The following PHF3 variants were observed in gnomAD, a reference collection of about 807,000 sequenced individuals.
The protein encoded by PHF3 is PHD finger protein 3.
Under a neutral mutation model 178.4 loss-of-function variants are expected in PHF3, and 41 were observed. That is an observed-to-expected ratio of 0.23 (90% confidence interval 0.18 to 0.30). PHF3 has a LOEUF of 0.30. Ranked by LOEUF, PHF3 falls within the 10% of genes least tolerant of loss-of-function variation. The pLI is 1.00. For synonymous variants in PHF3, 842 were observed against 800.5 expected (o/e 1.05, Z -0.88); for missense variants, 2,346 against 2,398.1 (o/e 0.98, Z 0.45).
In PHF3 at chr6:63,691,881, A is replaced by G; in HGVS notation, c.2334A>G (p.Glu778=). 1.2e-6 allele frequency: 2 copies of G among 1,613,774 alleles called. No individual in the cohort carries two copies. Among genetic ancestry groups the G allele is most frequent in the African/African-American group, 2.7e-5 (2 of 74,954 alleles). ...GTGCTGAAGAAGACAAAAAGACTGA[A>G]ATACTAGATCCAGATACTTTGGAAA... is the stretch of plus-strand genomic sequence containing the variant. The part of the protein sequence containing the change: ...KCCAEEDKKT[E]ILDPDTLENQ... Residue 778 remains glutamate, a synonymous_variant, in exon 5 of 16, where the codon GAA becomes GAG. Coordinates refer to ENST00000262043, the MANE Select transcript of PHF3 (RefSeq NM_001370348.2).
At chr6:63,668,001 G>A (rs144586360) in intron 2 of PHF3, among the ~76,000 whole-genome samples, 3 of 152,196 alleles carry the variant, frequency 2.0e-5, no homozygotes, top group African/African-American at 4.8e-5. Flanking sequence ...TCTGCACAGC[G>A]ATGCAGCCTT....
intron 2 of PHF3, among the ~76,000 whole-genome samples, chr6:63,665,391 C>T (rs1247936220): frequency 6.6e-6 from 1 of 150,650 alleles, no homozygotes; most frequent in Non-Finnish European, 1.5e-5. Context: ...AAGTCCTTTG[C>T]TATGAATTAA....
intron 2 of PHF3, among the ~76,000 whole-genome samples, chr6:63,673,229 C>T (rs1392666026): frequency 6.6e-6 from 1 of 151,998 alleles, no homozygotes; most frequent in African/African-American, 2.4e-5. Context: ...GAGGTGCAGA[C>T]CCAATAAGTA....
chr6:63,677,292 A>G (rs1766210098), intron 2 of PHF3, among the ~76,000 whole-genome samples: 1 of 151,856 alleles, frequency 6.6e-6, no homozygotes, highest in African/African-American at 2.4e-5. Context: ...GAGTGTAGAT[A>G]AAGAAGAAAG....
chr6:63,690,721 A>G (rs1263519505), intron 4 of PHF3, among the ~76,000 whole-genome samples: 1 of 152,156 alleles, frequency 6.6e-6, no homozygotes, highest in East Asian at 1.9e-4. Flanking sequence ...CTGAAGATGA[A>G]AAAAGGACAA....
At chr6:63,637,711 T>C (rs539768690) in intron 1 of PHF3, among the ~76,000 whole-genome samples, 1 of 152,324 alleles carries the variant, frequency 6.6e-6, no homozygotes, top group South Asian at 2.1e-4. Flanking sequence ...TAGCAGAGTT[T>C]AGTGGCAGAC....
rs115823574 is a variant in PHF3 at position 63,665,930 on chromosome 6, T to G, written c.245-14070T>G. 5.8e-4 allele frequency among the ~76,000 whole-genome samples: 89 copies of G among 152,318 alleles called. 1 individual carries two copies. The highest frequency in any genetic ancestry group is 2.0e-3 in the African/African-American group (85 of 41,560). ...GTCAACTCCTCTCTACTTTATGGAA[T>G]TTTTACTCTTTCAGTATCCTTCCTT... On this transcript the variant is annotated intron_variant, in intron 2 of 15. Coordinates refer to ENST00000262043, the MANE Select transcript of PHF3 (RefSeq NM_001370348.2).
chr6:63,721,154 A>T lies in PHF3; in HGVS notation c.*7446A>T. ...TGTATTTAATGTAAGAATTACCCAT[A>T]AATTTTGCAGTTGAAAATGAAGTTT... On this transcript the variant is annotated 3_prime_UTR_variant, in exon 16 of 16. Coordinates refer to ENST00000262043, the MANE Select transcript of PHF3 (RefSeq NM_001370348.2). 1 of 1,551,638 alleles carries T rather than the reference A, an allele frequency of 6.4e-7. No individual in the cohort carries two copies. The highest frequency in any genetic ancestry group is 8.7e-7 in the Non-Finnish European group (1 of 1,146,882).
In PHF3 at chr6:63,635,947, G is replaced by A. The variant is rs1038609557; in HGVS notation, c.-229G>A. On this transcript the variant is annotated 5_prime_UTR_variant, in exon 1 of 16. Transcript: ENST00000262043. ...GCGGCGGCTGCAACGAGGATTAGGA[G>A]GGCGGCGCGGAAGCCAAGAATAGTG... The A allele has an allele frequency of 2.0e-5, 8 of 397,814 alleles. No homozygotes were observed. Among genetic ancestry groups the A allele is most frequent in the Non-Finnish European group, 3.1e-5 (7 of 225,674 alleles). 24.6% of individuals were successfully genotyped at this position (397,814 alleles called of 1,614,324 possible).
In PHF3 at chr6:63,714,854, C is replaced by T. The variant is rs1768131374; in HGVS notation, c.*1146C>T. The T allele has an allele frequency of 6.6e-6, 1 of 151,744 alleles. No individual in the cohort carries two copies. The highest frequency in any genetic ancestry group is 1.5e-5 in the Non-Finnish European group (1 of 67,932). 9.4% of individuals were successfully genotyped at this position (151,744 alleles called of 1,614,324 possible). On this transcript the variant is annotated 3_prime_UTR_variant, in exon 16 of 16. Transcript: ENST00000262043. ...TAGCCTAATTCGTAAAGTAACTGTA[C>T]AGTTTCATATGCCAGTTTTACTTGA...
At chr6:63,639,436 GT>G (rs573560007) in intron 1 of PHF3, among the ~76,000 whole-genome samples, 1 of 150,866 alleles carries the variant, frequency 6.6e-6, no homozygotes, top group Non-Finnish European at 1.5e-5. Context: ...CTTACATTTT[GT>G]TTTTTTTTAA....
At chr6:63,653,033 TGTGGTTCTGTGTA>T (rs1765084084) in intron 2 of PHF3, among the ~76,000 whole-genome samples, 2 of 150,892 alleles carry the variant, frequency 1.3e-5, no homozygotes, top group African/African-American at 4.9e-5. Context: ...TTTTTTTTTT[TGTGGTTCTGTGTA>T]TTTTTTTTTG....
At chr6:63,692,139 G>A in intron 5 of PHF3, 96 bp downstream of exon 5, 1 of 881,976 alleles carries the variant, frequency 1.1e-6, no homozygotes, top group South Asian at 2.0e-5. Flanking sequence ...AAGTTTTAAT[G>A]TTCTTTTACA....
In PHF3 at chr6:63,721,823, G is replaced by T; in HGVS notation, c.*8115G>T. 1 of 1,520,066 alleles carries T rather than the reference G, an allele frequency of 6.6e-7. No individual in the cohort carries two copies. The highest frequency in any genetic ancestry group is 1.3e-5 in the South Asian group (1 of 78,470). The allele number at this position is 1,520,066 out of a possible 1,614,324, so 94.2% of individuals were successfully genotyped here. On this transcript the variant is annotated 3_prime_UTR_variant, in exon 16 of 16. Coordinates refer to ENST00000262043, the MANE Select transcript of PHF3 (RefSeq NM_001370348.2). ...CTGCAAGAAAGCAAACAGTAAGTTT[G>T]ATTAGCAACAGTAAAAGTTTCCATT...
chr6:63,715,682 GCTTT>G lies in PHF3; in HGVS notation c.*1977_*1980del, dbSNP rs1218951485. Among the ~76,000 whole-genome samples, 1 of 152,100 alleles carries G rather than the reference GCTTT, an allele frequency of 6.6e-6. No individual in the cohort carries two copies. The highest frequency in any genetic ancestry group is 2.4e-5 in the African/African-American group (1 of 41,414). Reference sequence around the variant, plus strand: ...TTTTAAAATAGGCAAGGCCCATATAGCTTTCTATTAGGGATGAGCATCTCCAGGG... The same window carrying G: ...TTTTAAAATAGGCAAGGCCCATATAGCTATTAGGGATGAGCATCTCCAGGG... On this transcript the variant is annotated 3_prime_UTR_variant, in exon 16 of 16. Coordinates refer to ENST00000262043, the MANE Select transcript of PHF3 (RefSeq NM_001370348.2).
At chr6:63,663,022 A>C (rs1765535122) in intron 2 of PHF3, among the ~76,000 whole-genome samples, 1 of 152,204 alleles carries the variant, frequency 6.6e-6, no homozygotes. Context: ...GAAGTGAATA[A>C]AAAAATAATT....
In PHF3 at chr6:63,714,708, T is replaced by C. The variant is rs1053686148; in HGVS notation, c.*1000T>C. 6.6e-6 allele frequency: 1 copy of C among 152,126 alleles called. No individual in the cohort carries two copies. Among genetic ancestry groups the C allele is most frequent in the South Asian group, 2.1e-4 (1 of 4,834 alleles). The allele number at this position is 152,126 out of a possible 1,614,324, so 9.4% of individuals were successfully genotyped here. A position where few individuals can be genotyped will look rare whatever the true frequency, so the allele number is the denominator to read the frequency against. On this transcript the variant is annotated 3_prime_UTR_variant, in exon 16 of 16. Transcript: ENST00000262043. ...GTGCAGCTATAGCCCACTTTATAGG[T>C]AAGTTTCTGAAAACTTTTACACCAT...
At chr6:63,670,242 A>G (rs1009148342) in intron 2 of PHF3, among the ~76,000 whole-genome samples, 3 of 151,982 alleles carry the variant, frequency 2.0e-5, no homozygotes, top group Non-Finnish European at 4.4e-5. Context: ...ACACTATGTG[A>G]TGGAGTAGAG....
In PHF3 at chr6:63,712,763, A is replaced by G; in HGVS notation, c.5175A>G (p.Val1725=). ...AAGTTGCACAAAACTCACCATCAGT[A>G]GAAAACATACAGACTTCTCAAGCAG... The part of the protein sequence containing the change: ...NLKVAQNSPS[V]ENIQTSQAEQ... The change falls in exon 16 of 16, where the codon GTA becomes GTG. Residue 1725 remains valine, a synonymous_variant. Coordinates refer to ENST00000262043, the MANE Select transcript of PHF3 (RefSeq NM_001370348.2). 1 of 1,613,962 alleles carries G rather than the reference A, an allele frequency of 6.2e-7. No individual in the cohort carries two copies. The highest frequency in any genetic ancestry group is 1.1e-5 in the South Asian group (1 of 91,076).
Sources: gnomAD v4.1 joint callset for allele counts (sites outside exome capture counted in the v4.1 genomes callset) on GRCh38, gnomAD v4.1.1 for gene constraint, MANE v1.5 for transcripts, NCBI Gene and HGNC (gene_info 2026-07-23, HGNC 2026-07-21) for gene names.